The following DAB1 variants were observed in gnomAD, a reference collection of about 807,000 sequenced individuals.
DAB1 encodes the protein DAB adaptor protein 1.
Under a neutral mutation model 64.6 loss-of-function variants are expected in DAB1, and 15 were observed. That is an observed-to-expected ratio of 0.23 (90% CI 0.16 to 0.36). DAB1 has a LOEUF of 0.36. Ranked by LOEUF, DAB1 falls within the 10% of genes least tolerant of loss-of-function variation. The pLI, the probability that DAB1 is intolerant of heterozygous loss-of-function variation, is 1.00. For synonymous variants in DAB1, 235 were observed against 251.9 expected (o/e 0.93, Z 0.64); for missense variants, 596 against 706.7 (o/e 0.84, Z 1.78).
chr1:57,647,504 A>G (rs1354351723), intron 7 of DAB1, among the ~76,000 whole-genome samples: 1 of 152,102 alleles, frequency 6.6e-6, no homozygotes. Context: ...AGAAGTCTTC[A>G]GGTCAACATT....
At chr1:58,001,497 T>C (rs917975794) in intron 5 of DAB1, among the ~76,000 whole-genome samples, 14 of 152,098 alleles carry the variant, frequency 9.2e-5, no homozygotes, top group Admixed American at 9.2e-4. Context: ...TGACCTTAGG[T>C]GATCTGCCTG....
At chr1:57,564,776 T>A (rs200588880) in intron 7 of DAB1, among the ~76,000 whole-genome samples, 1 of 152,152 alleles carries the variant, frequency 6.6e-6, no homozygotes, top group Non-Finnish European at 1.5e-5. Flanking sequence ...GGACTATGTG[T>A]AAAGACCAAA....
At chr1:57,655,699 T>G (rs1646310443) in intron 6 of DAB1, among the ~76,000 whole-genome samples, 1 of 152,228 alleles carries the variant, frequency 6.6e-6, no homozygotes, top group Non-Finnish European at 1.5e-5. Context: ...AAAGGGGATC[T>G]GGCACACGTT....
intron 4 of DAB1, among the ~76,000 whole-genome samples, chr1:57,077,042 A>G (rs764086929): frequency 6.6e-6 from 1 of 152,214 alleles, no homozygotes; most frequent in Non-Finnish European, 1.5e-5. Context: ...CTTTATATTA[A>G]AAGTGTGCCC....
At chr1:58,386,577 G>A (rs969992805) in intron 3 of DAB1, among the ~76,000 whole-genome samples, 3 of 152,080 alleles carry the variant, frequency 2.0e-5, no homozygotes, top group Non-Finnish European at 4.4e-5. Flanking sequence ...TCCAAATACT[G>A]AACTCCACTT....
At chr1:57,995,356 C>G (rs1646408441) in intron 5 of DAB1, among the ~76,000 whole-genome samples, 1 of 152,152 alleles carries the variant, frequency 6.6e-6, no homozygotes, top group South Asian at 2.1e-4. Flanking sequence ...CCAAAGTCTA[C>G]CTATTGTGCA....
intron 4 of DAB1, chr1:58,343,243 A>AGATGGATGGGTG (rs1553176429): frequency 6.8e-6 from 1 of 147,236 alleles, no homozygotes; most frequent in African/African-American, 2.5e-5. Flanking sequence ...TGGAACATAT[A>AGATGGATGGGTG]GATGGATGGA....
intron 5 of DAB1, among the ~76,000 whole-genome samples, chr1:57,962,111 A>T (rs1645539208): frequency 6.6e-6 from 1 of 152,076 alleles, no homozygotes; most frequent in Admixed American, 6.6e-5. Flanking sequence ...CCCAATTCAA[A>T]TCCTGGCTAT....
intron 4 of DAB1, among the ~76,000 whole-genome samples, chr1:58,305,423 T>G (rs371469589): frequency 1.3e-3 from 205 of 152,326 alleles, no homozygotes; most frequent in African/African-American, 4.8e-3. Flanking sequence ...ATGTTGCACA[T>G]GCAGTACTAA....
chr1:58,352,208 C>A (rs950846927), intron 3 of DAB1, among the ~76,000 whole-genome samples: 11 of 152,156 alleles, frequency 7.2e-5, no homozygotes, highest in Middle Eastern at 3.4e-3. Context: ...CCCTATTTTT[C>A]TCTTATGCCT....
At chr1:57,655,605 C>A (rs1458182372) in intron 6 of DAB1, among the ~76,000 whole-genome samples, 2 of 152,054 alleles carry the variant, frequency 1.3e-5, no homozygotes, top group African/African-American at 4.8e-5. Context: ...TTCCAGGGGA[C>A]AGAGAAAGAC....
chr1:57,955,448 C>T (rs1645370008), intron 5 of DAB1, among the ~76,000 whole-genome samples: 1 of 152,122 alleles, frequency 6.6e-6, no homozygotes, highest in Non-Finnish European at 1.5e-5. Context: ...GAGAAAGACC[C>T]TTATATTCAG....
intron 7 of DAB1, among the ~76,000 whole-genome samples, chr1:57,586,181 G>A (rs1645378045): frequency 6.6e-6 from 1 of 152,144 alleles, no homozygotes; most frequent in South Asian, 2.1e-4. Flanking sequence ...GGGCCTCTAT[G>A]CTCAGAATAG....
At chr1:58,194,789 T>A (rs976452697) in intron 4 of DAB1, among the ~76,000 whole-genome samples, 1 of 152,236 alleles carries the variant, frequency 6.6e-6, no homozygotes, top group Non-Finnish European at 1.5e-5. Flanking sequence ...AGCCATGGTG[T>A]TGTTGCAGAC....
At chr1:57,292,749 A>G (rs1383018831) in intron 1 of DAB1, among the ~76,000 whole-genome samples, 4 of 152,184 alleles carry the variant, frequency 2.6e-5, no homozygotes, top group Non-Finnish European at 5.9e-5. Flanking sequence ...ATGCTGGCCA[A>G]GAGTACATAG....
chr1:58,398,438 C>G lies in DAB1; in HGVS notation n.258-55035G>C, dbSNP rs559341278. Among the ~76,000 whole-genome samples, 177 of 152,324 alleles carry G rather than the reference C, an allele frequency of 1.2e-3. 2 individuals carry two copies. The highest frequency in any genetic ancestry group is 4.1e-3 in the African/African-American group (170 of 41,576). On this transcript the variant is annotated intron_variant and non_coding_transcript_variant, in intron 3 of 20. Transcript: ENST00000485760. The stretch of plus-strand genomic sequence containing the variant: ...TTAGAGACGGAAGGGAGGCTCCATG[C>G]CCGTCCAAGCCACACAGTTGTAAGA...
In DAB1 at chr1:58,092,281, C is replaced by T. The variant is rs535363979; in HGVS notation, n.387+58230G>A. Among the ~76,000 whole-genome samples the T allele has an allele frequency of 2.7e-4, 40 of 149,754 alleles. No individual in the cohort carries two copies. The South Asian group carries it at 7.8e-3, about 29-fold the overall frequency. Reference sequence around the variant, plus strand: ...ACCCAGCAGGGGCATTGCAGCGAGTCAAGATCGCACCACTGTACTCCAGCC... The same window carrying T: ...ACCCAGCAGGGGCATTGCAGCGAGTTAAGATCGCACCACTGTACTCCAGCC... On this transcript the variant is annotated intron_variant and non_coding_transcript_variant, in intron 5 of 20. Transcript: ENST00000485760.
At chr1:57,863,465 G>A (rs1292624986) in intron 1 of DAB1, among the ~76,000 whole-genome samples, 1 of 152,080 alleles carries the variant, frequency 6.6e-6, no homozygotes, top group African/African-American at 2.4e-5. Context: ...TAAAAGTCTT[G>A]GTGGAAAAGT....
chr1:57,667,973 C>T (rs75534414), intron 6 of DAB1, among the ~76,000 whole-genome samples: 3,313 of 151,864 alleles, frequency 0.022, 112 homozygotes, highest in African/African-American at 0.076. Context: ...CAGCAAACCA[C>T]CATGTCACAT....
Sources: allele counts gnomAD v4.1 joint callset (sites outside exome capture counted in the v4.1 genomes callset), GRCh38; gene constraint gnomAD v4.1.1; transcripts MANE v1.5; gene names NCBI Gene and HGNC (gene_info 2026-07-23, HGNC 2026-07-21).